Variants in VIT observed in about 807,000 individuals in gnomAD.
VIT encodes vitrin.
A neutral mutation model predicts 78.0 loss-of-function variants in VIT; 99 were observed. The ratio of observed to expected loss-of-function variants is 1.27; its 90% CI spans 1.08 to 1.50. The LOEUF (loss-of-function observed/expected upper bound fraction) is 1.50, where lower values mean the gene tolerates loss of function less well. VIT is among the 40% of genes most tolerant of loss of function. VIT has a pLI of 0.00. For synonymous variants in VIT, 374 were observed against 334.3 expected (o/e 1.12, Z -1.29); for missense variants, 1,126 against 875.3 (o/e 1.29, Z -3.61).
At chr2:36,805,308 GAAA>G (rs567911067) in intron 13 of VIT, 127 bp from the exon 14 acceptor site, 706 of 584,266 alleles carry the variant, frequency 1.2e-3, no homozygotes, top group Middle Eastern at 3.8e-3. Flanking sequence ...TGTCTCAAAG[GAAA>G]AAAAAAAAAA....
At chr2:36,701,871 A>C (rs1055562981) in intron 1 of VIT, among the ~76,000 whole-genome samples, 9 of 152,238 alleles carry the variant, frequency 5.9e-5, no homozygotes, top group African/African-American at 1.9e-4. Flanking sequence ...ATTCAACAAC[A>C]GCAGGAGCAA....
At position 36,801,345 on chromosome 2, in the gene VIT, C is replaced by A. The variant is rs768990791; in HGVS notation, c.1103C>A (p.Ser368Tyr). 1 of 1,614,124 alleles carries A rather than the reference C, an allele frequency of 6.2e-7. No individual in the cohort carries two copies. The highest frequency in any genetic ancestry group is 1.1e-5 in the South Asian group (1 of 91,078). Residue 368 changes from serine to tyrosine, a missense_variant, in exon 13 of 16, where the codon TCT (serine) becomes TAT (tyrosine). Coordinates refer to ENST00000379242, the MANE Select transcript of VIT (RefSeq NM_053276.4). ...TTTAACCTCAAGACACACACGAATT[C>A]TCGAGATCTGAAGACAGCCATAGAG... ...THFNLKTHTN[S>Y]RDLKTAIEKI...
chr2:36,794,331 A>G (rs1572552151), intron 12 of VIT, among the ~76,000 whole-genome samples: 2 of 20,514 alleles, frequency 9.7e-5, no homozygotes, highest in African/African-American at 2.4e-4. Flanking sequence ...TATTCCCTAG[A>G]AAAAAAAATT....
At chr2:36,801,560 C>A (rs1201004789) in intron 13 of VIT, among the ~76,000 whole-genome samples, 156 bp downstream of exon 13, 2 of 152,160 alleles carry the variant, frequency 1.3e-5, no homozygotes, top group Non-Finnish European at 1.5e-5. Context: ...GTTATCCCAG[C>A]ACTTTGGGAG....
At position 36,784,275 on chromosome 2, in the gene VIT, C is replaced by T. The variant is rs150598960; in HGVS notation, c.910+873C>T. Among the ~76,000 whole-genome samples, 3 of 152,300 alleles carry T rather than the reference C, an allele frequency of 2.0e-5. No individual in the cohort carries two copies. In the East Asian group the frequency reaches 5.8e-4, roughly 29 times the overall value. On this transcript the variant is annotated intron_variant, in intron 11 of 15. Transcript: ENST00000379242. ...CCACCAATGGACAGTGAGGCTCAAC[C>T]TTGCTGCATATGAGAATCACCTGAA...
intron 4 of VIT, among the ~76,000 whole-genome samples, chr2:36,751,876 CAGAT>C (rs373547723): frequency 6.6e-6 from 1 of 152,282 alleles, no homozygotes; most frequent in Non-Finnish European, 1.5e-5. Flanking sequence ...TAAGGGGAAA[CAGAT>C]AGGAATTTTG....
intron 5 of VIT, 58 bp downstream of exon 5, chr2:36,755,112 T>C: frequency 1.3e-6 from 2 of 1,546,044 alleles, no homozygotes; most frequent in Non-Finnish European, 1.7e-6. Flanking sequence ...AATGTGCTCT[T>C]TTCATTGTGC....
rs942469985 is a variant in VIT at position 36,767,200 on chromosome 2, C to G, written c.594C>G (p.Thr198=). 6.2e-7 allele frequency: 1 copy of G among 1,609,706 alleles called. No individual in the cohort carries two copies. Among genetic ancestry groups the G allele is most frequent in the Non-Finnish European group, 8.5e-7 (1 of 1,178,366 alleles). Residue 198 remains threonine (T), a synonymous_variant, in exon 7 of 16, where the codon ACC becomes ACG. Coordinates refer to ENST00000379242, the MANE Select transcript of VIT (RefSeq NM_053276.4). ...LAVTVAVATP[T]TLPRPSPSAA... ...TCACTGTAGCTGTGGCCACCCCCAC[C>G]ACCTTGCCAAGGCCATCCCCTTCTG...
chr2:36,761,585 G>A (rs11124539), intron 6 of VIT, among the ~76,000 whole-genome samples: 148,734 of 152,064 alleles, frequency 0.98, 72,823 homozygotes, highest in East Asian at 1. Flanking sequence ...CTAAAAATAC[G>A]AAAAATTAGC....
intron 12 of VIT, among the ~76,000 whole-genome samples, chr2:36,795,246 G>A (rs1665791700): frequency 6.6e-6 from 1 of 152,082 alleles, no homozygotes; most frequent in South Asian, 2.1e-4. Flanking sequence ...AGGAACTTTT[G>A]CAGTCATTTT....
intron 6 of VIT, 147 bp downstream of exon 6, chr2:36,759,193 C>T (rs1188011868): frequency 6.3e-7 from 1 of 1,574,860 alleles, no homozygotes; most frequent in Admixed American, 1.9e-5. Context: ...AACATGGGCA[C>T]AGAAATCAAT....
In VIT at chr2:36,743,213, G is replaced by A. The variant is rs746041170; in HGVS notation, c.232G>A (p.Val78Met). ...CAAATACCATGTTTATGGCACTGAC[G>A]TGTATGCATCCTACTCCAGTGTGTG... ...DPKYHVYGTDVYASYSSVCGA... is the reference protein window; with the variant it reads ...DPKYHVYGTDMYASYSSVCGA... The change falls in exon 4 of 16, where the codon GTG becomes ATG. Residue 78 changes from valine (V) to methionine (M), a missense_variant. Transcript: ENST00000379242. The A allele has an allele frequency of 1.9e-5, 30 of 1,613,950 alleles. No homozygotes were observed. Among genetic ancestry groups the A allele is most frequent in the East Asian group, 6.7e-5 (3 of 44,892 alleles).
intron 1 of VIT, among the ~76,000 whole-genome samples, chr2:36,713,717 A>T (rs1665951689): frequency 6.6e-6 from 1 of 152,206 alleles, no homozygotes; most frequent in South Asian, 2.1e-4. Context: ...CGCCAACAGG[A>T]TTGGCTGGTG....
chr2:36,719,992 G>A (rs1483407627), intron 2 of VIT, among the ~76,000 whole-genome samples: 2 of 152,074 alleles, frequency 1.3e-5, no homozygotes, highest in Non-Finnish European at 2.9e-5. Flanking sequence ...TACATAAATG[G>A]AAAGATATTC....
intron 2 of VIT, among the ~76,000 whole-genome samples, chr2:36,719,465 C>T (rs721350): frequency 0.88 from 134,033 of 152,228 alleles, 59,050 homozygotes; most frequent in Admixed American, 0.9. Flanking sequence ...TTAGAACTAA[C>T]AAATGAATTC....
At chr2:36,809,095 T>A in intron 15 of VIT, 110 bp downstream of exon 15, 1 of 1,412,722 alleles carries the variant, frequency 7.1e-7, no homozygotes, top group Non-Finnish European at 9.4e-7. Context: ...TTTCTGCGAC[T>A]TAATAAAAAT....
At chr2:36,773,309 G>T (rs1427592550) in intron 7 of VIT, among the ~76,000 whole-genome samples, 2 of 147,282 alleles carry the variant, frequency 1.4e-5, no homozygotes, top group African/African-American at 5.1e-5. Flanking sequence ...TGGTGTTTTA[G>T]GTTAAATACT....
intron 2 of VIT, among the ~76,000 whole-genome samples, chr2:36,718,663 G>A (rs1367909021): frequency 2.0e-5 from 3 of 152,072 alleles, no homozygotes; most frequent in Non-Finnish European, 4.4e-5. Flanking sequence ...CTATTCCCTG[G>A]CTCCTGTCAG....
intron 13 of VIT, among the ~76,000 whole-genome samples, chr2:36,804,356 G>A (rs1666548622): frequency 6.6e-6 from 1 of 152,186 alleles, no homozygotes; most frequent in African/African-American, 2.4e-5. Context: ...AAACACTCCT[G>A]ACCCCAGAAC....
Sources: allele counts gnomAD v4.1 joint callset (sites outside exome capture counted in the v4.1 genomes callset), GRCh38; gene constraint gnomAD v4.1.1; transcripts MANE v1.5; gene names NCBI Gene and HGNC (gene_info 2026-07-23, HGNC 2026-07-21).